The following CCDC38 variants were observed in gnomAD, a reference collection of about 807,000 sequenced individuals.
CCDC38 encodes coiled-coil domain-containing protein 38.
In CCDC38, 69 loss-of-function variants were observed where a neutral mutation model predicts 72.8. That is an observed-to-expected ratio of 0.95 (90% confidence interval 0.78 to 1.16). CCDC38 has a LOEUF of 1.16. Ranked by LOEUF, CCDC38 falls within the 50% of genes most tolerant of loss-of-function variation. The pLI is 0.00. For synonymous variants in CCDC38, 201 were observed against 213.2 expected (o/e 0.94, Z 0.50); for missense variants, 626 against 638.9 (o/e 0.98, Z 0.22).
intron 4 of CCDC38, among the ~76,000 whole-genome samples, chr12:95,911,340 C>T (rs1030083382): frequency 1.3e-5 from 2 of 151,788 alleles, no homozygotes; most frequent in Non-Finnish European, 3.0e-5. Context: ...AGGAAAAGTT[C>T]TCAAAACCAA....
intron 1 of CCDC38, among the ~76,000 whole-genome samples, chr12:95,942,196 T>G (rs1423897222): frequency 6.6e-6 from 1 of 152,182 alleles, no homozygotes; most frequent in Non-Finnish European, 1.5e-5. Flanking sequence ...ACAGAGCTTG[T>G]GATAAACATG....
At chr12:95,881,598 A>G in intron 10 of CCDC38, 44 bp from the exon 11 acceptor site, 1 of 1,518,724 alleles carries the variant, frequency 6.6e-7, no homozygotes. Context: ...TTTGTGAGCC[A>G]TTTTCTGTCA....
intron 5 of CCDC38, 145 bp from the exon 6 acceptor site, chr12:95,898,876 GT>G: frequency 1.2e-6 from 1 of 817,674 alleles, no homozygotes. Context: ...TCTTGAAGGA[GT>G]TTTATTTTCA....
intron 12 of CCDC38, 64 bp from the exon 13 acceptor site, chr12:95,878,410 A>C: frequency 1.3e-6 from 2 of 1,514,520 alleles, no homozygotes; most frequent in South Asian, 1.2e-5. Context: ...ACCATCAGTC[A>C]GGAGCTTTAA....
intron 1 of CCDC38, among the ~76,000 whole-genome samples, chr12:95,939,576 G>A (rs2080428252): frequency 6.6e-6 from 1 of 152,152 alleles, no homozygotes; most frequent in South Asian, 2.1e-4. Context: ...TGGATGTGGA[G>A]TATGAGATAA....
intron 15 of CCDC38, among the ~76,000 whole-genome samples, chr12:95,868,239 G>T (rs186004134): frequency 6.6e-6 from 1 of 152,034 alleles, no homozygotes; most frequent in East Asian, 1.9e-4. Context: ...CTCATTTTTA[G>T]TCTGTTAATT....
chr12:95,897,610 CA>C (rs370408931), intron 7 of CCDC38, among the ~76,000 whole-genome samples: 13,589 of 75,344 alleles, frequency 0.18, 762 homozygotes, highest in South Asian at 0.37. Context: ...AACTCCCTCT[CA>C]AAAAAAAAAA....
chr12:95,906,281 T>C (rs2079999906), intron 5 of CCDC38, 106 bp downstream of exon 5: 3 of 784,090 alleles, frequency 3.8e-6, no homozygotes, highest in African/African-American at 3.5e-5. Flanking sequence ...GTTCAACCAA[T>C]AGATTTGGGA....
intron 8 of CCDC38, among the ~76,000 whole-genome samples, chr12:95,893,576 C>G (rs1268738544): frequency 6.6e-6 from 1 of 151,880 alleles, no homozygotes; most frequent in African/African-American, 2.4e-5. Flanking sequence ...ACCTCAACTT[C>G]CGGGGTTTCA....
chr12:95,931,476 A>G (rs1248964638), intron 2 of CCDC38, among the ~76,000 whole-genome samples: 2 of 152,192 alleles, frequency 1.3e-5, no homozygotes, highest in African/African-American at 2.4e-5. Context: ...GGGGGCCATT[A>G]TTCTGTCTCA....
intron 2 of CCDC38, among the ~76,000 whole-genome samples, chr12:95,929,538 T>C (rs918548237): frequency 6.6e-5 from 10 of 152,174 alleles, no homozygotes; most frequent in African/African-American, 2.4e-4. Context: ...CGGGAGCTGT[T>C]CCTATTCGGC....
At chr12:95,939,446 C>T (rs1348794559) in intron 1 of CCDC38, among the ~76,000 whole-genome samples, 1 of 152,176 alleles carries the variant, frequency 6.6e-6, no homozygotes, top group Non-Finnish European at 1.5e-5. Context: ...TAGGAGACTA[C>T]AGCCACTGGG....
intron 15 of CCDC38, among the ~76,000 whole-genome samples, chr12:95,868,456 T>A (rs571496742): frequency 1.1e-4 from 17 of 152,334 alleles, no homozygotes; most frequent in African/African-American, 4.1e-4. Flanking sequence ...AGAATTGAAC[T>A]AGATAAATAC....
At chr12:95,906,868 C>A (rs1350473851) in intron 4 of CCDC38, among the ~76,000 whole-genome samples, 1 of 145,676 alleles carries the variant, frequency 6.9e-6, no homozygotes, top group African/African-American at 2.6e-5. Flanking sequence ...GTGTTTCTCG[C>A]AGAGGGGGAT....
intron 7 of CCDC38, among the ~76,000 whole-genome samples, chr12:95,897,105 T>C (rs2079897599): frequency 6.6e-6 from 1 of 152,136 alleles, no homozygotes; most frequent in African/African-American, 2.4e-5. Context: ...GTGCAGTTGG[T>C]TTCAGAGAAA....
At chr12:95,888,223 C>T (rs2079781704) in intron 10 of CCDC38, among the ~76,000 whole-genome samples, 1 of 152,124 alleles carries the variant, frequency 6.6e-6, no homozygotes, top group African/African-American at 2.4e-5. Flanking sequence ...GAAGCAAAGA[C>T]CCAAGATGCA....
intron 10 of CCDC38, chr12:95,885,302 CTGAGT>C (rs1403201327): frequency 6.5e-6 from 1 of 154,342 alleles, no homozygotes; most frequent in Non-Finnish European, 1.4e-5. Flanking sequence ...GCAGCAATGA[CTGAGT>C]TGACTGCTGA....
intron 10 of CCDC38, among the ~76,000 whole-genome samples, chr12:95,886,999 C>G (rs1468904074): frequency 6.6e-6 from 1 of 152,194 alleles, no homozygotes; most frequent in Non-Finnish European, 1.5e-5. Context: ...GCCTGACCAA[C>G]ATGGTGAAAC....
intron 13 of CCDC38, among the ~76,000 whole-genome samples, chr12:95,875,169 G>A (rs1464529747): frequency 6.8e-6 from 1 of 147,934 alleles, no homozygotes; most frequent in Non-Finnish European, 1.5e-5. Context: ...CAGGAAAGCT[G>A]ATTGATGGCA....
Sources: gnomAD v4.1 joint callset for allele counts (sites outside exome capture counted in the v4.1 genomes callset) on GRCh38, gnomAD v4.1.1 for gene constraint, MANE v1.5 for transcripts, NCBI Gene and HGNC (gene_info 2026-07-23, HGNC 2026-07-21) for gene names.